The following POLL variants were observed in gnomAD, a reference collection of about 807,000 sequenced individuals.
POLL encodes DNA polymerase lambda.
POLL carries 44 observed loss-of-function variants against 58.1 expected under a neutral mutation model. That is an observed-to-expected ratio of 0.76 (90% CI 0.60 to 0.97). POLL has a LOEUF of 0.97. POLL is among the 50% of genes least tolerant of loss of function. POLL has a pLI of 0.00. For synonymous variants in POLL, 290 were observed against 283.2 expected (o/e 1.02, Z -0.24); for missense variants, 632 against 736.8 (o/e 0.86, Z 1.65).
chr10:101,585,502 T>G, intron 3 of POLL, 24 bp from the exon 4 acceptor site: 1 of 1,500,370 alleles, frequency 6.7e-7, no homozygotes, highest in African/African-American at 1.4e-5. Context: ...GATGGGAGGT[T>G]AAGACACCAA....
rs975544246 is a variant in POLL, at chr10:101,587,910, T to G, written c.-135A>C. ...CTGTCCTGGTCTCAGCCTCTCGACATGGGGGTGCTCAGCGCCGCAGCTGCG... is the reference window on the plus strand; with the variant it reads ...CTGTCCTGGTCTCAGCCTCTCGACAGGGGGGTGCTCAGCGCCGCAGCTGCG... On this transcript the variant is annotated 5_prime_UTR_variant, in exon 1 of 9. It removes an upstream start codon present in the reference 5' UTR. Coordinates refer to ENST00000370162, the MANE Select transcript of POLL (RefSeq NM_001174084.2). 4.9e-5 allele frequency: 60 copies of G among 1,212,310 alleles called. No individual in the cohort carries two copies. Among genetic ancestry groups the G allele is most frequent in the Non-Finnish European group, 6.1e-5 (58 of 952,486 alleles). The allele number at this position is 1,212,310 out of a possible 1,614,324, so 75.1% of individuals were successfully genotyped here. A position where few individuals can be genotyped will look rare whatever the true frequency, so the allele number is the denominator to read the frequency against.
At chr10:101,582,982 A>G (rs775320304) in intron 6 of POLL, 91 bp from the exon 7 acceptor site, 5 of 1,534,992 alleles carry the variant, frequency 3.3e-6, no homozygotes, top group Middle Eastern at 1.7e-4. Context: ...CCATCGCCCC[A>G]GACTCTAGGG....
intron 2 of POLL, chr10:101,587,009 C>A: frequency 1.5e-6 from 1 of 686,774 alleles, no homozygotes; most frequent in Non-Finnish European, 2.5e-6. Flanking sequence ...CCCTGAGGGC[C>A]CAGGGAGTCT....
intron 7 of POLL, chr10:101,582,325 G>A (rs1158685943): frequency 1.2e-5 from 2 of 162,600 alleles, no homozygotes; most frequent in African/African-American, 4.8e-5. Context: ...TGCATTTTGG[G>A]GAGAAAACAG....
chr10:101,588,247 A>G lies in POLL; in HGVS notation c.-472T>C. ...CGGACGAAGGGGGGAAGGAGGGCAA[A>G]TGGCCAGAATAGCTTCCGAGTCAGC... On this transcript the variant is annotated 5_prime_UTR_variant, in exon 1 of 9. Coordinates refer to ENST00000370162, the MANE Select transcript of POLL (RefSeq NM_001174084.2). 1 of 1,555,468 alleles carries G rather than the reference A, an allele frequency of 6.4e-7. No homozygotes were observed. Among genetic ancestry groups the G allele is most frequent in the South Asian group, 1.2e-5 (1 of 84,338 alleles).
At chr10:101,586,179 A>C in intron 2 of POLL, 23 bp from the exon 3 acceptor site, 1 of 1,583,988 alleles carries the variant, frequency 6.3e-7, no homozygotes, top group Non-Finnish European at 8.6e-7. Context: ...CATCCAGATG[A>C]CTACTGTTGT....
intron 5 of POLL, 60 bp from the exon 6 acceptor site, chr10:101,583,741 A>G (rs2063136763): frequency 1.3e-6 from 2 of 1,504,734 alleles, no homozygotes; most frequent in Non-Finnish European, 1.8e-6. Context: ...AGGTAGAGCC[A>G]GTGGAAAGGA....
rs2062928449 is a variant in POLL at position 101,580,508 on chromosome 10, C to T, written c.1195-92G>A. On this transcript the variant is annotated intron_variant, in intron 7 of 8. Transcript: ENST00000370162. The surrounding 1 kb of genome is among the most constrained non-coding windows in gnomAD (Gnocchi z 4.1). The stretch of plus-strand genomic sequence containing the variant: ...GGGCCTTCCCAGACTCGGGCCCACA[C>T]CCTCAGCTTATGCCCATTCCAGATG... The T allele has an allele frequency of 2.6e-6, 3 of 1,172,784 alleles. No individual in the cohort carries two copies. The highest frequency in any genetic ancestry group is 3.7e-6 in the Non-Finnish European group (3 of 815,696). 72.6% of individuals were successfully genotyped at this position (1,172,784 alleles called of 1,614,324 possible).
Position 101,588,089 on chromosome 10 carries a change from T to C in POLL, c.-314A>G, listed in dbSNP as rs1020139881. On this transcript the variant is annotated 5_prime_UTR_variant, in exon 1 of 9. Coordinates refer to ENST00000370162, the MANE Select transcript of POLL (RefSeq NM_001174084.2). ...TCCCAGCTCGGGGCTAGAAGAAAGC[T>C]GGAGTGCCCGACCCCGGCCCCAAGA... is the stretch of plus-strand genomic sequence containing the variant. 4.0e-6 allele frequency: 6 copies of C among 1,491,832 alleles called. No individual in the cohort carries two copies. In the African/African-American group the frequency reaches 8.3e-5, roughly 21 times the overall value. The allele number at this position is 1,491,832 out of a possible 1,614,324, so 92.4% of individuals were successfully genotyped here. A position where few individuals can be genotyped will look rare whatever the true frequency, so the allele number is the denominator to read the frequency against.
In POLL at chr10:101,583,548, C is replaced by T; in HGVS notation, c.1025G>A (p.Trp342Ter). 5.0e-6 allele frequency: 8 copies of T among 1,613,756 alleles called. No homozygotes were observed. The highest frequency in any genetic ancestry group is 6.8e-6 in the Non-Finnish European group (8 of 1,180,012). The change falls in exon 6 of 9, where the codon TGG (tryptophan) becomes TAG (stop). Residue 342 changes from tryptophan (W) to a stop codon, truncating the protein, a stop_gained. Transcript: ENST00000370162. LOFTEE classifies it high-confidence loss of function. ...VPVLELFSNI[W>*]GAGTKTAQMW... ...CTGGGCAGTCTTGGTCCCAGCTCCCCAGATGTTGGAGAAGAGCTCCAAGAC... is the reference window on the plus strand; with the variant it reads ...CTGGGCAGTCTTGGTCCCAGCTCCCTAGATGTTGGAGAAGAGCTCCAAGAC...
intron 3 of POLL, 139 bp from the exon 4 acceptor site, chr10:101,585,617 T>C (rs992461461): frequency 2.4e-6 from 2 of 826,842 alleles, no homozygotes; most frequent in Non-Finnish European, 3.6e-6. Flanking sequence ...TTGGAGTTTC[T>C]CTTGAGACAG....
At position 101,580,368 on chromosome 10, in the gene POLL, A is replaced by G. The variant is rs781559163; in HGVS notation, c.1243T>C (p.Cys415Arg). ...GCCTTTCCCCGTCGGTATGAACCAC[A>G]TGCCACACACAGCAGCCCAGAGTTA... ...AFNSGLLCVACGSYRRGKATC... is the reference protein window; with the variant it reads ...AFNSGLLCVARGSYRRGKATC... Residue 415 changes from cysteine (C) to arginine (R), a missense_variant, in exon 8 of 9, where the codon TGT (cysteine) becomes CGT (arginine). By Grantham distance (180) the Cys-to-Arg change is radical. Coordinates refer to ENST00000370162, the MANE Select transcript of POLL (RefSeq NM_001174084.2). The surrounding 1 kb of genome is among the most constrained non-coding windows in gnomAD (Gnocchi z 4.1). 5.0e-6 allele frequency: 8 copies of G among 1,613,948 alleles called. No homozygotes were observed. The Admixed American group carries it at 5.0e-5, about 10-fold the overall frequency.
rs2062852618 is a variant in POLL, at chr10:101,579,472, G to A, written c.1709C>T (p.Pro570Leu). The change falls in exon 9 of 9, where the codon CCT (proline) becomes CTT (leucine). Residue 570 changes from proline (P) to leucine (L), a missense_variant. Physicochemically the swap from Pro to Leu is moderately conservative, Grantham distance 98 (BLOSUM62 -3). Transcript: ENST00000370162. This position sits in a 1 kb window ranked among gnomAD's most constrained non-coding sequence, Gnocchi z 4.4. Reference sequence around the variant, plus strand: ...CATGGGTCACCAGTCCCGCTCAGCAGGTTCTCGGTAGGGGAGGCCTAAGAG... The same window carrying A: ...CATGGGTCACCAGTCCCGCTCAGCAAGTTCTCGGTAGGGGAGGCCTAAGAG... ...FRLLGLPYRE[P>L]AERDW is the part of the protein sequence containing the mutation. The A allele has an allele frequency of 6.2e-7, 1 of 1,610,032 alleles. No individual in the cohort carries two copies. The highest frequency in any genetic ancestry group is 8.5e-7 in the Non-Finnish European group (1 of 1,178,688).
At position 101,587,979 on chromosome 10, in the gene POLL, G is replaced by C. The variant is rs2063484865; in HGVS notation, c.-204C>G. ...GCAGCAGGTGTGGGGAGCCCTCCGG[G>C]AATGGAGGAGTCTCGCAGCTGCGGG... On this transcript the variant is annotated 5_prime_UTR_variant, in exon 1 of 9. Coordinates refer to ENST00000370162, the MANE Select transcript of POLL (RefSeq NM_001174084.2). The C allele has an allele frequency of 1.5e-6, 2 of 1,296,116 alleles. No homozygotes were observed. The highest frequency in any genetic ancestry group is 2.0e-6 in the Non-Finnish European group (2 of 995,142). The allele number at this position is 1,296,116 out of a possible 1,614,324, so 80.3% of individuals were successfully genotyped here. A position where few individuals can be genotyped will look rare whatever the true frequency, so the allele number is the denominator to read the frequency against.
chr10:101,582,914 GA>G lies in POLL; in HGVS notation c.1066-24del, dbSNP rs758574503. Reference sequence around the variant, plus strand: ...GCCCTGGAAAAAAGCAGCCAGATGGGAAGCTGTAAGGATCCAGGACCAATGA... The same window carrying G: ...GCCCTGGAAAAAAGCAGCCAGATGGGAGCTGTAAGGATCCAGGACCAATGA... On this transcript the variant is annotated intron_variant, in intron 6 of 8. Coordinates refer to ENST00000370162, the MANE Select transcript of POLL (RefSeq NM_001174084.2). 22 of 1,613,994 alleles carry G rather than the reference GA, an allele frequency of 1.4e-5. 1 individual carries two copies. The South Asian group carries it at 2.4e-4, about 18-fold the overall frequency.
Position 101,582,895 on chromosome 10 carries a change from G to A in POLL, c.1066-4C>T, listed in dbSNP as rs1342398596. On this transcript the variant is annotated splice_region_variant and splice_polypyrimidine_tract_variant and intron_variant, in intron 6 of 8. Coordinates refer to ENST00000370162, the MANE Select transcript of POLL (RefSeq NM_001174084.2). The stretch of plus-strand genomic sequence containing the variant: ...TGTCTTCCAGACTTCGGAAGCCCTG[G>A]AAAAAAGCAGCCAGATGGGAAGCTG... 6.2e-7 allele frequency: 1 copy of A among 1,614,172 alleles called. No homozygotes were observed. Among genetic ancestry groups the A allele is most frequent in the Non-Finnish European group, 8.5e-7 (1 of 1,180,036 alleles).
At chr10:101,582,652 G>T in intron 7 of POLL, 111 bp downstream of exon 7, 1 of 1,139,762 alleles carries the variant, frequency 8.8e-7, no homozygotes, top group Non-Finnish European at 1.3e-6. Context: ...GTGATCCACA[G>T]TTTCCTCTGC....
Position 101,580,110 on chromosome 10 carries a change from G to C in POLL, c.1363+138C>G. Reference sequence around the variant, plus strand: ...CCTGGAGAGGATTCCGGCCCCGATAGAGAGATGGGATGCTGGCAAAGCACT... The same window carrying C: ...CCTGGAGAGGATTCCGGCCCCGATACAGAGATGGGATGCTGGCAAAGCACT... On this transcript the variant is annotated intron_variant, in intron 8 of 8. Transcript: ENST00000370162. The surrounding 1 kb of genome is among the most constrained non-coding windows in gnomAD (Gnocchi z 4.1). 1.2e-6 allele frequency: 1 copy of C among 810,320 alleles called. No homozygotes were observed. Among genetic ancestry groups the C allele is most frequent in the Non-Finnish European group, 2.0e-6 (1 of 511,662 alleles). The allele number at this position is 810,320 out of a possible 1,614,324, so 50.2% of individuals were successfully genotyped here. A position where few individuals can be genotyped will look rare whatever the true frequency, so the allele number is the denominator to read the frequency against.
At position 101,582,977 on chromosome 10, in the gene POLL, G is replaced by A. The variant is rs756810143; in HGVS notation, c.1066-86C>T. ...TGAGCACACACACAAGGCTTCCATC[G>A]CCCCAGACTCTAGGGAAGGCTAGAG... On this transcript the variant is annotated intron_variant, in intron 6 of 8. Transcript: ENST00000370162. The A allele has an allele frequency of 3.4e-5, 52 of 1,541,982 alleles. No individual in the cohort carries two copies. In the East Asian group the frequency reaches 4.1e-4, roughly 12 times the overall value.
Sources: gnomAD v4.1 joint callset for allele counts on GRCh38, gnomAD v4.1.1 for gene constraint, Gnocchi (gnomAD v3.1) non-coding constraint, MANE v1.5 for transcripts, NCBI Gene and HGNC (gene_info 2026-07-23, HGNC 2026-07-21) for gene names.